The following NDUFAF8 variants were observed in gnomAD, a reference collection of about 807,000 sequenced individuals.
NDUFAF8 encodes the protein NADH:ubiquinone oxidoreductase complex assembly factor 8.
In NDUFAF8, 9 loss-of-function variants were observed where a neutral mutation model predicts 9.9. The ratio of observed to expected loss-of-function variants is 0.91; its 90% CI spans 0.55 to 1.59. The LOEUF (loss-of-function observed/expected upper bound fraction) is 1.59. Ranked by LOEUF, NDUFAF8 falls within the 40% of genes most tolerant of loss-of-function variation. NDUFAF8 has a pLI of 0.00. For synonymous variants in NDUFAF8, 63 were observed against 51.2 expected, an observed-to-expected ratio of 1.23 and a Z score of -0.98; for missense variants, 114 against 113.8, an observed-to-expected ratio of 1.00 and a Z score of -0.01.
In NDUFAF8 at chr17:81,241,038, C is replaced by T. The variant is rs1016463270; in HGVS notation, c.*22C>T. ...TTAGGAGGGACTCTGAGCTTCACAC[C>T]TGTCTGCTGCCATGGGTGCAGAGCC... On this transcript the variant is annotated 3_prime_UTR_variant, in exon 3 of 3. Transcript: ENST00000431388. The T allele has an allele frequency of 6.2e-7, 1 of 1,612,352 alleles. No individual in the cohort carries two copies. Among genetic ancestry groups the T allele is most frequent in the Non-Finnish European group, 8.5e-7 (1 of 1,179,296 alleles).
chr17:81,240,605 G>A (rs2062807462), intron 2 of NDUFAF8, among the ~76,000 whole-genome samples: 1 of 151,128 alleles, frequency 6.6e-6, no homozygotes, highest in Non-Finnish European at 1.5e-5. Flanking sequence ...GGAGGTGGAG[G>A]TTGCAGTGAG....
In NDUFAF8 at chr17:81,239,693, G is replaced by A. The variant is rs1258194577; in HGVS notation, c.195+15G>A. On this transcript the variant is annotated intron_variant, in intron 2 of 2. Transcript: ENST00000431388. ...TCGCCGCTGCGGTAGGTGGGCGCGG[G>A]CCCCTTCCCCCCTTCCCAGCCCTTC... 2.0e-6 allele frequency: 3 copies of A among 1,535,094 alleles called. No homozygotes were observed. Among genetic ancestry groups the A allele is most frequent in the Admixed American group, 2.0e-5 (1 of 50,928 alleles).
chr17:81,239,791 G>C, intron 2 of NDUFAF8, 113 bp downstream of exon 2: 1 of 1,141,886 alleles, frequency 8.8e-7, no homozygotes, highest in Non-Finnish European at 1.2e-6. Context: ...CCTGCCGCGT[G>C]CTTTAGACGC....
Position 81,239,620 on chromosome 17 carries a change from T to G in NDUFAF8, c.137T>G (p.Leu46Arg). The part of the protein sequence containing the change: ...VQASTAPGGR[L>R]SKDFCAREFE... ...GCCTCCACGGCCCCGGGCGGCCGCC[T>G]GAGTAAGGACTTCTGCGCGCGGGAG... The change falls in exon 2 of 3, where the codon CTG becomes CGG. Residue 46 changes from leucine (L) to arginine (R), a missense_variant. Leu to Arg is a moderately radical substitution (Grantham distance 102, BLOSUM62 -2). Coordinates refer to ENST00000431388, the MANE Select transcript of NDUFAF8 (RefSeq NM_001086521.2). 6.5e-7 allele frequency: 1 copy of G among 1,539,898 alleles called. No homozygotes were observed. Among genetic ancestry groups the G allele is most frequent in the Non-Finnish European group, 8.7e-7 (1 of 1,146,392 alleles).
chr17:81,239,319 A>G lies in NDUFAF8; in HGVS notation c.-45A>G. 4 of 1,364,914 alleles carry G rather than the reference A, an allele frequency of 2.9e-6. No individual in the cohort carries two copies. Among genetic ancestry groups the G allele is most frequent in the Non-Finnish European group, 3.8e-6 (4 of 1,058,124 alleles). The allele number at this position is 1,364,914 out of a possible 1,614,324, so 84.6% of individuals were successfully genotyped here. On this transcript the variant is annotated 5_prime_UTR_variant, in exon 1 of 3. Coordinates refer to ENST00000431388, the MANE Select transcript of NDUFAF8 (RefSeq NM_001086521.2). ...TCAAGCTGTTTGACACCGGAAGAGG[A>G]CGGACCTAAGATGGCGGCCTCCAGG...
In NDUFAF8 at chr17:81,239,612, C is replaced by G; in HGVS notation, c.129C>G (p.Gly43=). Residue 43 remains glycine (G), a synonymous_variant, in exon 2 of 3, where the codon GGC becomes GGG. Transcript: ENST00000431388. Reference sequence around the variant, plus strand: ...GCGTGCAGGCCTCCACGGCCCCGGGCGGCCGCCTGAGTAAGGACTTCTGCG... The same window carrying G: ...GCGTGCAGGCCTCCACGGCCCCGGGGGGCCGCCTGAGTAAGGACTTCTGCG... The part of the protein sequence containing the change: ...GRCVQASTAP[G]GRLSKDFCAR... 14 of 1,539,276 alleles carry G rather than the reference C, an allele frequency of 9.1e-6. No individual in the cohort carries two copies. The highest frequency in any genetic ancestry group is 1.1e-5 in the Non-Finnish European group (13 of 1,146,310).
At position 81,239,617 on chromosome 17, in the gene NDUFAF8, GC is replaced by G; in HGVS notation, c.136del (p.Leu46Ter). 1 of 1,539,640 alleles carries G rather than the reference GC, an allele frequency of 6.5e-7. No homozygotes were observed. The highest frequency in any genetic ancestry group is 8.7e-7 in the Non-Finnish European group (1 of 1,146,372). On this transcript the variant is annotated frameshift_variant, in exon 2 of 3. Transcript: ENST00000431388. LOFTEE classifies it high-confidence loss of function. ...CAGGCCTCCACGGCCCCGGGCGGCC[GC>G]CTGAGTAAGGACTTCTGCGCGCGGG... ...CVQASTAPGG[R>X]LSKDFCAREF... is the part of the protein sequence containing the mutation.
chr17:81,240,498 C>G (rs1020165183), intron 2 of NDUFAF8: 1 of 154,244 alleles, frequency 6.5e-6, no homozygotes, highest in African/African-American at 2.4e-5. Context: ...TATGGAGACC[C>G]CGTCTCTACA....
At chr17:81,239,315 G>T (rs560477763), upstream of NDUFAF8, 12 of 1,364,234 alleles carry the variant, frequency 8.8e-6, no homozygotes, top group Non-Finnish European at 1.1e-5. Flanking sequence ...GACACCGGAA[G>T]AGGACGGACC....
Position 81,241,179 on chromosome 17 carries a change from G to A in NDUFAF8, c.*163G>A, listed in dbSNP as rs766353153. 6.4e-6 allele frequency: 9 copies of A among 1,398,876 alleles called. No homozygotes were observed. The South Asian group carries it at 1.5e-4, about 23-fold the overall frequency. 86.7% of individuals were successfully genotyped at this position (1,398,876 alleles called of 1,614,324 possible). A position where few individuals can be genotyped will look rare whatever the true frequency, so the allele number is the denominator to read the frequency against. ...ATCCTGTTTTTTCTTAACAAGTTGAGGCGTGGGTAGAGCAGGAATTGGTTT... is the reference window on the plus strand; with the variant it reads ...ATCCTGTTTTTTCTTAACAAGTTGAAGCGTGGGTAGAGCAGGAATTGGTTT... On this transcript the variant is annotated 3_prime_UTR_variant, in exon 3 of 3. Transcript: ENST00000431388.
Position 81,241,000 on chromosome 17 carries a change from TG to T in NDUFAF8, c.211del (p.Glu71ArgfsTer34). ...SCFAAAAKKT[L>X]EGGC ...TTTATCTTGCAGGCCAAGAAGACGC[TG>T]GAGGGAGGCTGTTAGGAGGGACTCT... is the stretch of plus-strand genomic sequence containing the variant. On this transcript the variant is annotated frameshift_variant, in exon 3 of 3. Coordinates refer to ENST00000431388, the MANE Select transcript of NDUFAF8 (RefSeq NM_001086521.2). LOFTEE classifies it high-confidence loss of function. 6.2e-7 allele frequency: 1 copy of T among 1,613,288 alleles called. No homozygotes were observed. The highest frequency in any genetic ancestry group is 8.5e-7 in the Non-Finnish European group (1 of 1,179,682).
rs60236609 is a variant in NDUFAF8 at position 81,239,704 on chromosome 17, C to G, written c.195+26C>G. 0.04 allele frequency: 60,372 copies of G among 1,523,822 alleles called. 1,414 individuals carry two copies. Among genetic ancestry groups the G allele is most frequent in the African/African-American group, 0.058 (4,205 of 72,754 alleles). 94.4% of individuals were successfully genotyped at this position (1,523,822 alleles called of 1,614,324 possible). On this transcript the variant is annotated intron_variant, in intron 2 of 2. Transcript: ENST00000431388. ...GTAGGTGGGCGCGGGCCCCTTCCCC[C>G]CTTCCCAGCCCTTCCCCTCCAAGAG...
Position 81,239,418 on chromosome 17 carries a change from C to G in NDUFAF8, c.55C>G (p.Pro19Ala). The G allele has an allele frequency of 1.5e-6, 2 of 1,363,254 alleles. No individual in the cohort carries two copies. The highest frequency in any genetic ancestry group is 1.9e-6 in the Non-Finnish European group (2 of 1,057,512). 84.4% of individuals were successfully genotyped at this position (1,363,254 alleles called of 1,614,324 possible). The change falls in exon 1 of 3, where the codon CCC (proline) becomes GCC (alanine). Residue 19 changes from proline to alanine, a missense_variant. Pro to Ala is a conservative substitution (Grantham distance 27). Coordinates refer to ENST00000431388, the MANE Select transcript of NDUFAF8 (RefSeq NM_001086521.2). ...CGTGCGAAGCCGCCTCCGCGCCTTC[C>G]CCGAGCGGCTGGCCGCCTGCGGGGC... is the stretch of plus-strand genomic sequence containing the variant. The part of the protein sequence containing the change: ...GRVRSRLRAF[P>A]ERLAACGAEA...
In NDUFAF8 at chr17:81,241,241, A is replaced by G; in HGVS notation, c.*225A>G. 1 of 1,298,230 alleles carries G rather than the reference A, an allele frequency of 7.7e-7. No homozygotes were observed. 80.4% of individuals were successfully genotyped at this position (1,298,230 alleles called of 1,614,324 possible). A position where few individuals can be genotyped will look rare whatever the true frequency, so the allele number is the denominator to read the frequency against. ...GTCCGTAAACCTGAGTTAGAATAAG[A>G]TGTAACGGAAGCCACGATAAAGACT... On this transcript the variant is annotated 3_prime_UTR_variant, in exon 3 of 3. Coordinates refer to ENST00000431388, the MANE Select transcript of NDUFAF8 (RefSeq NM_001086521.2).
In NDUFAF8 at chr17:81,240,461, A is replaced by G. The variant is rs117331065; in HGVS notation, c.196-526A>G. The G allele has an allele frequency of 6.0e-3, 924 of 153,872 alleles. 47 individuals carry two copies. The East Asian group carries it at 0.13, about 21-fold the overall frequency. The allele number at this position is 153,872 out of a possible 1,614,324, so 9.5% of individuals were successfully genotyped here. A position where few individuals can be genotyped will look rare whatever the true frequency, so the allele number is the denominator to read the frequency against. ...TGAGGTGGGTGGATTGCTTAGGCCT[A>G]GAAGTTTGAGACCAGCCTGGGCAAC... On this transcript the variant is annotated intron_variant, in intron 2 of 2. Transcript: ENST00000431388.
chr17:81,239,779 C>T (rs549506425), intron 2 of NDUFAF8, 101 bp downstream of exon 2: 13 of 1,249,552 alleles, frequency 1.0e-5, no homozygotes, highest in African/African-American at 3.1e-5. Flanking sequence ...AAGGTTTGAG[C>T]GCCTGCCGCG....
At position 81,241,259 on chromosome 17, in the gene NDUFAF8, TAAAG is replaced by T. The variant is rs2062815498; in HGVS notation, c.*245_*248del. On this transcript the variant is annotated 3_prime_UTR_variant, in exon 3 of 3. Coordinates refer to ENST00000431388, the MANE Select transcript of NDUFAF8 (RefSeq NM_001086521.2). Reference sequence around the variant, plus strand: ...GAATAAGATGTAACGGAAGCCACGATAAAGACTCGGTCAAATCCTGCAGCCTGGG... The same window carrying T: ...GAATAAGATGTAACGGAAGCCACGATACTCGGTCAAATCCTGCAGCCTGGG... The T allele has an allele frequency of 8.3e-7, 1 of 1,207,880 alleles. No homozygotes were observed. The highest frequency in any genetic ancestry group is 1.1e-6 in the Non-Finnish European group (1 of 931,868). 74.8% of individuals were successfully genotyped at this position (1,207,880 alleles called of 1,614,324 possible).
At chr17:81,239,783 T>C in intron 2 of NDUFAF8, 105 bp downstream of exon 2, 1 of 1,230,144 alleles carries the variant, frequency 8.1e-7, no homozygotes, top group Non-Finnish European at 1.1e-6. Context: ...TTTGAGCGCC[T>C]GCCGCGTGCT....
In NDUFAF8 at chr17:81,239,418, C is replaced by A; in HGVS notation, c.55C>A (p.Pro19Thr). ...GRVRSRLRAF[P>T]ERLAACGAEA... is the part of the protein sequence containing the mutation. ...CGTGCGAAGCCGCCTCCGCGCCTTC[C>A]CCGAGCGGCTGGCCGCCTGCGGGGC... The change falls in exon 1 of 3, where the codon CCC becomes ACC. Residue 19 changes from proline to threonine, a missense_variant. Physicochemically the swap from Pro to Thr is conservative, Grantham distance 38. Transcript: ENST00000431388. The A allele has an allele frequency of 7.3e-7, 1 of 1,363,254 alleles. No individual in the cohort carries two copies. The highest frequency in any genetic ancestry group is 9.5e-7 in the Non-Finnish European group (1 of 1,057,512). The allele number at this position is 1,363,254 out of a possible 1,614,324, so 84.4% of individuals were successfully genotyped here. A position where few individuals can be genotyped will look rare whatever the true frequency, so the allele number is the denominator to read the frequency against.
Sources: allele counts gnomAD v4.1 joint callset (sites outside exome capture counted in the v4.1 genomes callset), GRCh38; gene constraint gnomAD v4.1.1; transcripts MANE v1.5; gene names NCBI Gene and HGNC (gene_info 2026-07-23, HGNC 2026-07-21).